PTPRG: variants seen among roughly 807,000 people sequenced by gnomAD.
The protein encoded by PTPRG is protein tyrosine phosphatase receptor type G, also known as receptor-type tyrosine-protein phosphatase gamma.
PTPRG carries 102 observed loss-of-function variants against 165.3 expected under a neutral mutation model. The observed-to-expected ratio is 0.62, with a 90% CI of 0.53 to 0.73. The LOEUF (loss-of-function observed/expected upper bound fraction) is 0.73. Among genes scored for constraint, PTPRG ranks in the 30% least tolerant of loss-of-function variants. The probability of loss-of-function intolerance (pLI) is 0.00; values close to 1 mark genes in which losing one functional copy is unlikely to be tolerated. For missense variants in PTPRG, 1,866 were observed against 1,861.4 expected (o/e 1.00, Z -0.05); for synonymous variants, 675 against 669.5 (o/e 1.01, Z -0.13).
At chr3:61,665,467 A>AC (rs1702784514) in intron 1 of PTPRG, among the ~76,000 whole-genome samples, 3 of 79,642 alleles carry the variant, frequency 3.8e-5, no homozygotes, top group Admixed American at 1.3e-4. Flanking sequence ...ATTGTAAATA[A>AC]ATACACACAC....
chr3:61,733,861 A>C (rs1027666315), intron 1 of PTPRG, among the ~76,000 whole-genome samples: 2 of 152,234 alleles, frequency 1.3e-5, no homozygotes, highest in Middle Eastern at 6.8e-3. Context: ...GCAGTGGTGT[A>C]ATCTCAGCTC....
chr3:61,606,222 C>G (rs746639213), intron 1 of PTPRG, among the ~76,000 whole-genome samples: 1 of 152,178 alleles, frequency 6.6e-6, no homozygotes, highest in East Asian at 1.9e-4. Flanking sequence ...GTTAGCAGAA[C>G]GTAGCGCTTC....
chr3:62,120,354 CAAG>C (rs1703019542), intron 5 of PTPRG, among the ~76,000 whole-genome samples: 1 of 70,108 alleles, frequency 1.4e-5, no homozygotes, highest in Non-Finnish European at 3.7e-5. Flanking sequence ...TTTTGGGCGT[CAAG>C]AAAGGAAGTG....
rs184447224 is a variant in PTPRG, at chr3:62,187,931, G to A, written c.1034-3538G>A. 1.3e-3 allele frequency among the ~76,000 whole-genome samples: 192 copies of A among 152,110 alleles called. 1 individual carries two copies. The highest frequency in any genetic ancestry group is 4.4e-3 in the African/African-American group (181 of 41,454). Reference sequence around the variant, plus strand: ...TGGCAGGTGATCCTGTTAGAGCGAGGCCAGATCTACCTCCTTTGAGAGCTT... The same window carrying A: ...TGGCAGGTGATCCTGTTAGAGCGAGACCAGATCTACCTCCTTTGAGAGCTT... On this transcript the variant is annotated intron_variant, in intron 8 of 29. Transcript: ENST00000474889.
At chr3:61,962,066 G>C (rs1019977371) in intron 2 of PTPRG, among the ~76,000 whole-genome samples, 6 of 152,100 alleles carry the variant, frequency 3.9e-5, no homozygotes, top group African/African-American at 1.4e-4. Context: ...TTTTAGGGTT[G>C]GGTTTTAAGT....
intron 2 of PTPRG, among the ~76,000 whole-genome samples, chr3:61,949,117 G>T (rs957786147): frequency 4.7e-5 from 7 of 150,518 alleles, no homozygotes; most frequent in African/African-American, 1.7e-4. Context: ...TCTTGCCAAC[G>T]GCCTGGTTTT....
intron 2 of PTPRG, among the ~76,000 whole-genome samples, chr3:61,778,708 A>C (rs1575656870): frequency 6.6e-6 from 1 of 152,266 alleles, no homozygotes. Context: ...GACCTACTGT[A>C]GCCTTGAAGG....
At chr3:61,900,020 TATAA>T (rs1464183014) in intron 2 of PTPRG, among the ~76,000 whole-genome samples, 2 of 152,250 alleles carry the variant, frequency 1.3e-5, no homozygotes, top group African/African-American at 4.8e-5. Flanking sequence ...GAAATTGCTC[TATAA>T]ATGTCTGTTT....
intron 2 of PTPRG, among the ~76,000 whole-genome samples, chr3:61,988,562 A>G (rs1277916577): frequency 6.6e-6 from 1 of 152,210 alleles, no homozygotes; most frequent in African/African-American, 2.4e-5. Flanking sequence ...AGGAGGCACA[A>G]AAATCCCCAC....
chr3:62,002,674 A>G (rs2041202637), intron 3 of PTPRG, among the ~76,000 whole-genome samples: 1 of 152,160 alleles, frequency 6.6e-6, no homozygotes, highest in Non-Finnish European at 1.5e-5. Flanking sequence ...TGGATGGGTT[A>G]AGGGAAAATA....
chr3:61,579,804 T>C (rs1468160951), intron 1 of PTPRG, among the ~76,000 whole-genome samples: 2 of 152,218 alleles, frequency 1.3e-5, no homozygotes, highest in African/African-American at 2.4e-5. Flanking sequence ...TAGACTGATA[T>C]CTTCATTTTC....
In PTPRG at chr3:61,908,748, A is replaced by G. The variant is rs2038722306; in HGVS notation, c.191-80877A>G. Among the ~76,000 whole-genome samples the G allele has an allele frequency of 2.0e-5, 3 of 152,246 alleles. No individual in the cohort carries two copies. In the South Asian group the frequency reaches 6.2e-4, roughly 32 times the overall value. Reference sequence around the variant, plus strand: ...GAGGTAGAAGTTACCACCAATCTACATAAAAATGAATAATACTGACATTAA... The same window carrying G: ...GAGGTAGAAGTTACCACCAATCTACGTAAAAATGAATAATACTGACATTAA... On this transcript the variant is annotated intron_variant, in intron 2 of 29. Transcript: ENST00000474889.
chr3:62,209,089 T>G (rs1700298394), intron 12 of PTPRG, among the ~76,000 whole-genome samples: 1 of 152,250 alleles, frequency 6.6e-6, no homozygotes, highest in Non-Finnish European at 1.5e-5. Flanking sequence ...GCAGTATTAA[T>G]TAAGTGAATA....
At chr3:62,262,431 T>G (rs62243883) in intron 16 of PTPRG, 7,837 of 162,000 alleles carry the variant, frequency 0.048, 208 homozygotes, top group Admixed American at 0.068. Context: ...TCCTCTGTTC[T>G]GTGCTCCCAT....
At chr3:61,916,535 T>G (rs1426159581) in intron 2 of PTPRG, among the ~76,000 whole-genome samples, 5 of 152,200 alleles carry the variant, frequency 3.3e-5, no homozygotes, top group South Asian at 2.1e-4. Flanking sequence ...CCTTTCTGTG[T>G]GTGCTGTAAC....
intron 14 of PTPRG, among the ~76,000 whole-genome samples, chr3:62,235,622 C>A (rs1701014100): frequency 6.6e-6 from 1 of 152,166 alleles, no homozygotes; most frequent in Non-Finnish European, 1.5e-5. Context: ...TTTCTCCCAC[C>A]TTCCTAAAGA....
At chr3:61,846,649 C>CCCA (rs1553681206) in intron 2 of PTPRG, among the ~76,000 whole-genome samples, 19 of 152,190 alleles carry the variant, frequency 1.2e-4, no homozygotes, top group South Asian at 1.0e-3. Context: ...GGCGTGGTGG[C>CCCA]TCATGCTTGT....
At chr3:61,933,204 C>T (rs1490403740) in intron 2 of PTPRG, among the ~76,000 whole-genome samples, 1 of 152,174 alleles carries the variant, frequency 6.6e-6, no homozygotes, top group Non-Finnish European at 1.5e-5. Flanking sequence ...CTCTTTTCAA[C>T]TTCAGGTTAA....
rs747426945 is a variant in PTPRG, at chr3:62,277,522, A to C, written c.3637-29A>C. 3.1e-6 allele frequency: 5 copies of C among 1,603,592 alleles called. No individual in the cohort carries two copies. The Admixed American group carries it at 5.0e-5, about 16-fold the overall frequency. ...AAGTTAGAATAAAACACTCATATTCACTGATTTTTTTTGTCTTCCCAACTG... is the reference window on the plus strand; with the variant it reads ...AAGTTAGAATAAAACACTCATATTCCCTGATTTTTTTTGTCTTCCCAACTG... On this transcript the variant is annotated intron_variant, in intron 25 of 29. Coordinates refer to ENST00000474889, the MANE Select transcript of PTPRG (RefSeq NM_002841.4).
Sources: allele counts gnomAD v4.1 joint callset (sites outside exome capture counted in the v4.1 genomes callset), GRCh38; gene constraint gnomAD v4.1.1; transcripts MANE v1.5; gene names NCBI Gene and HGNC (gene_info 2026-07-23, HGNC 2026-07-21).